Variants in BTBD9 observed in about 807,000 individuals in gnomAD.
The protein encoded by BTBD9 is BTB domain containing 9, also known as BTB/POZ domain-containing protein 9.
Under a neutral mutation model 64.3 loss-of-function variants are expected in BTBD9, and 49 were observed. The observed-to-expected ratio is 0.76, with a 90% CI of 0.61 to 0.97. The LOEUF (loss-of-function observed/expected upper bound fraction) is 0.97, where lower values mean the gene tolerates loss of function less well. Ranked by LOEUF, BTBD9 falls within the 50% of genes least tolerant of loss-of-function variation. BTBD9 has a pLI of 0.00. For missense variants in BTBD9, 598 were observed against 762.1 expected, an observed-to-expected ratio of 0.78 and a Z score of 2.53; for synonymous variants, 260 against 274.7, an observed-to-expected ratio of 0.95 and a Z score of 0.53.
chr6:38,488,730 T>C (rs1460549930), intron 6 of BTBD9, among the ~76,000 whole-genome samples: 1 of 152,210 alleles, frequency 6.6e-6, no homozygotes, highest in Non-Finnish European at 1.5e-5. Context: ...AATGTTTCTT[T>C]TTTTATAATG....
At chr6:38,559,787 A>G in intron 6 of BTBD9, among the ~76,000 whole-genome samples, 1 of 152,188 alleles carries the variant, frequency 6.6e-6, no homozygotes. Flanking sequence ...ACCAACAACC[A>G]TCTGATCTTC....
chr6:38,405,559 C>T (rs1767124858), intron 6 of BTBD9, among the ~76,000 whole-genome samples: 1 of 151,818 alleles, frequency 6.6e-6, no homozygotes, highest in African/African-American at 2.4e-5. Flanking sequence ...GAGAAATAAG[C>T]TCCTGCAAAA....
At chr6:38,596,151 G>A (rs2127495588) in intron 2 of BTBD9, 2 of 722,072 alleles carry the variant, frequency 2.8e-6, no homozygotes, top group Non-Finnish European at 3.4e-6. Context: ...AATACAGTCA[G>A]CATTGAGAAC....
chr6:38,376,147 T>G (rs57277481), intron 6 of BTBD9, among the ~76,000 whole-genome samples: 2,093 of 152,276 alleles, frequency 0.014, 47 homozygotes, highest in African/African-American at 0.047. Flanking sequence ...TGGCATTTTT[T>G]TCCCCCACAA....
At chr6:38,331,825 C>T (rs1303893545) in intron 7 of BTBD9, among the ~76,000 whole-genome samples, 1 of 152,092 alleles carries the variant, frequency 6.6e-6, no homozygotes, top group African/African-American at 2.4e-5. Context: ...CATCACTGCA[C>T]TCTAGCCTGG....
At position 38,593,989 on chromosome 6, in the gene BTBD9, C is replaced by T; in HGVS notation, c.524G>A (p.Ser175Asn). 1.2e-6 allele frequency: 2 copies of T among 1,613,466 alleles called. No individual in the cohort carries two copies. Among genetic ancestry groups the T allele is most frequent in the Non-Finnish European group, 1.7e-6 (2 of 1,179,706 alleles). Residue 175 changes from serine to asparagine, a missense_variant, in exon 3 of 11, where the codon AGT becomes AAT. Coordinates refer to ENST00000481247, the MANE Select transcript of BTBD9 (RefSeq NM_001099272.2). ...MDRNAQEVLS[S>N]EGFLSLSKTA... Reference sequence around the variant, plus strand: ...CTTAGAAAGGGAGAGGAAACCTTCACTTGAGAGGACTTCCTGAGCATTCCT... The same window carrying T: ...CTTAGAAAGGGAGAGGAAACCTTCATTTGAGAGGACTTCCTGAGCATTCCT...
intron 6 of BTBD9, among the ~76,000 whole-genome samples, chr6:38,472,051 T>C (rs1770674095): frequency 6.6e-6 from 1 of 152,242 alleles, no homozygotes; most frequent in African/African-American, 2.4e-5. Flanking sequence ...AATGTGGGTA[T>C]TATATGTAGA....
At chr6:38,319,236 C>A (rs1268233431) in intron 7 of BTBD9, among the ~76,000 whole-genome samples, 1 of 152,124 alleles carries the variant, frequency 6.6e-6, no homozygotes, top group Non-Finnish European at 1.5e-5. Context: ...CTAAAGAGCC[C>A]ACTTGGTGCT....
intron 6 of BTBD9, among the ~76,000 whole-genome samples, chr6:38,544,927 C>CAAAAAAAAAAA (rs58694810): frequency 2.7e-4 from 13 of 48,300 alleles, no homozygotes; most frequent in African/African-American, 3.0e-4. Context: ...AACTACATCT[C>CAAAAAAAAAAA]AAAAAAAAAA....
At chr6:38,633,913 T>C (rs71571332) in intron 1 of BTBD9, among the ~76,000 whole-genome samples, 12,949 of 152,264 alleles carry the variant, frequency 0.085, 680 homozygotes, top group Middle Eastern at 0.18. Flanking sequence ...TCCTTCAATA[T>C]AATCTTAAGA....
chr6:38,627,190 G>T (rs144652152), intron 1 of BTBD9, among the ~76,000 whole-genome samples: 1 of 152,138 alleles, frequency 6.6e-6, no homozygotes, highest in East Asian at 1.9e-4. Context: ...TTATGATGCA[G>T]GTCAGAAAAT....
chr6:38,201,315 T>C (rs1045835146), intron 9 of BTBD9, among the ~76,000 whole-genome samples: 26 of 152,102 alleles, frequency 1.7e-4, no homozygotes, highest in African/African-American at 5.1e-4. Flanking sequence ...ACGTGATACA[T>C]TAGATCAACA....
chr6:38,283,803 G>A (rs1008917521), intron 8 of BTBD9, among the ~76,000 whole-genome samples: 1 of 152,180 alleles, frequency 6.6e-6, no homozygotes, highest in Non-Finnish European at 1.5e-5. Context: ...TGGTGTTGAT[G>A]CAGAATCACT....
intron 9 of BTBD9, among the ~76,000 whole-genome samples, chr6:38,205,039 A>C (rs1762586503): frequency 6.6e-6 from 1 of 152,188 alleles, no homozygotes; most frequent in Non-Finnish European, 1.5e-5. Context: ...ATGTCAAATC[A>C]AATGACAAAG....
intron 9 of BTBD9, among the ~76,000 whole-genome samples, chr6:38,232,261 TA>T (rs1290222019): frequency 6.6e-6 from 1 of 151,894 alleles, no homozygotes; most frequent in Non-Finnish European, 1.5e-5. Flanking sequence ...AAATGTCCCA[TA>T]GTCTCTGTTT....
At chr6:38,350,106 TG>T (rs1764445143) in intron 6 of BTBD9, among the ~76,000 whole-genome samples, 1 of 152,198 alleles carries the variant, frequency 6.6e-6, no homozygotes, top group Non-Finnish European at 1.5e-5. Flanking sequence ...CCCAGTGACG[TG>T]GTTCTTTTTT....
intron 1 of BTBD9, among the ~76,000 whole-genome samples, chr6:38,634,888 C>T (rs1290731878): frequency 6.6e-6 from 1 of 152,156 alleles, no homozygotes; most frequent in African/African-American, 2.4e-5. Context: ...GACTGGTAGA[C>T]CTAGAGAGTC....
chr6:38,234,550 T>G (rs1043002171), intron 9 of BTBD9, among the ~76,000 whole-genome samples: 1 of 152,244 alleles, frequency 6.6e-6, no homozygotes, highest in Non-Finnish European at 1.5e-5. Flanking sequence ...ACTTTAGAAG[T>G]AAATCCATTA....
At chr6:38,624,436 T>C (rs913952721) in intron 1 of BTBD9, among the ~76,000 whole-genome samples, 14 of 152,088 alleles carry the variant, frequency 9.2e-5, no homozygotes, top group Non-Finnish European at 1.9e-4. Context: ...GGCTTCATTC[T>C]TGAAGTCAGA....
Sources: gnomAD v4.1 joint callset for allele counts (sites outside exome capture counted in the v4.1 genomes callset) on GRCh38, gnomAD v4.1.1 for gene constraint, MANE v1.5 for transcripts, NCBI Gene and HGNC (gene_info 2026-07-23, HGNC 2026-07-21) for gene names.